ATP8A2: variants seen among roughly 807,000 people sequenced by gnomAD.
The protein encoded by ATP8A2 is phospholipid-transporting ATPase IB.
Under a neutral mutation model 165.6 loss-of-function variants are expected in ATP8A2, and 100 were observed. The ratio of observed to expected loss-of-function variants is 0.60; its 90% CI spans 0.51 to 0.71. The LOEUF (loss-of-function observed/expected upper bound fraction) is 0.71. Among genes scored for constraint, ATP8A2 ranks in the 30% least tolerant of loss-of-function variants. ATP8A2 has a pLI of 0.00. For synonymous variants in ATP8A2, 543 were observed against 548.8 expected (o/e 0.99, Z 0.15); for missense variants, 1,227 against 1,479.5 (o/e 0.83, Z 2.80).
At chr13:25,465,696 TTTC>T (rs1269902447) in intron 1 of ATP8A2, among the ~76,000 whole-genome samples, 324 of 20,392 alleles carry the variant, frequency 0.016, 2 homozygotes, top group Admixed American at 0.044. Context: ...TCTTTCTTTC[TTTC>T]TTTCTTTCTT....
At chr13:25,489,558 AAGTC>A (rs2036458137) in intron 2 of ATP8A2, among the ~76,000 whole-genome samples, 1 of 152,132 alleles carries the variant, frequency 6.6e-6, no homozygotes, top group Admixed American at 6.5e-5. Context: ...CTTGATGACA[AAGTC>A]TGTCTGTTTC....
Position 25,939,249 on chromosome 13 carries a change from C to T in ATP8A2, c.3184-22326C>T, listed in dbSNP as rs554890828. On this transcript the variant is annotated intron_variant, in intron 33 of 36. Coordinates refer to ENST00000381655, the MANE Select transcript of ATP8A2 (RefSeq NM_016529.6). ...TACCACAGTTTGTCCTCTGCATACC[C>T]CTTTGTCTTGGAGGGCTCGTTCCAG... Among the ~76,000 whole-genome samples the T allele has an allele frequency of 2.0e-5, 3 of 152,306 alleles. No individual in the cohort carries two copies. In the South Asian group the frequency reaches 6.2e-4, roughly 32 times the overall value.
intron 2 of ATP8A2, among the ~76,000 whole-genome samples, chr13:25,495,147 AG>A (rs1440838336): frequency 2.0e-5 from 3 of 151,702 alleles, no homozygotes; most frequent in Admixed American, 2.0e-4. Flanking sequence ...ACAACGTTCC[AG>A]TTATAACCTC....
At chr13:25,763,647 C>T (rs184795892) in intron 25 of ATP8A2, among the ~76,000 whole-genome samples, 1 of 152,278 alleles carries the variant, frequency 6.6e-6, no homozygotes, top group Non-Finnish European at 1.5e-5. Context: ...CCATTCCAAG[C>T]TGCCCAAATT....
At chr13:25,868,731 T>C (rs1025840428) in intron 33 of ATP8A2, among the ~76,000 whole-genome samples, 2 of 152,164 alleles carry the variant, frequency 1.3e-5, no homozygotes, top group African/African-American at 4.8e-5. Flanking sequence ...CCCATCCGTG[T>C]GCATTTCCTT....
intron 2 of ATP8A2, among the ~76,000 whole-genome samples, chr13:25,513,149 T>C (rs1372763629): frequency 2.0e-5 from 3 of 151,504 alleles, no homozygotes; most frequent in African/African-American, 7.3e-5. Context: ...GAGGGGCTCC[T>C]CACCTCTCAG....
intron 25 of ATP8A2, among the ~76,000 whole-genome samples, chr13:25,711,285 G>C (rs933974048): frequency 6.6e-6 from 1 of 152,166 alleles, no homozygotes; most frequent in African/African-American, 2.4e-5. Context: ...GATTACAGGC[G>C]TGAGCTACCG....
intron 27 of ATP8A2, among the ~76,000 whole-genome samples, chr13:25,786,093 T>G (rs557100059): frequency 1.3e-5 from 2 of 152,310 alleles, no homozygotes; most frequent in East Asian, 3.9e-4. Flanking sequence ...TTTTTTTTCT[T>G]GGACTTGGGA....
rs1025272265 is a variant in ATP8A2, at chr13:25,745,410, C to T, written c.2385-23636C>T. ...TGGCGTGCTCAGTGACAGGAGCCAG[C>T]CTAGACTGTAAAGTCAACTTACAAT... On this transcript the variant is annotated intron_variant, in intron 25 of 36. Transcript: ENST00000381655. Among the ~76,000 whole-genome samples the T allele has an allele frequency of 2.0e-5, 3 of 152,194 alleles. No homozygotes were observed. In the East Asian group the frequency reaches 5.8e-4, roughly 29 times the overall value.
At chr13:25,944,497 C>CA (rs34815639) in intron 33 of ATP8A2, 16,791 of 149,054 alleles carry the variant, frequency 0.11, 1,023 homozygotes, top group African/African-American at 0.16. Flanking sequence ...ACATTCGTCT[C>CA]AAAAAAAAAG....
intron 24 of ATP8A2, among the ~76,000 whole-genome samples, chr13:25,674,428 A>G (rs2042331623): frequency 6.6e-6 from 1 of 152,174 alleles, no homozygotes; most frequent in African/African-American, 2.4e-5. Flanking sequence ...TAGGCCCCCA[A>G]ACCAGATCAT....
At chr13:25,980,238 G>A (rs1377644951) in intron 35 of ATP8A2, among the ~76,000 whole-genome samples, 1 of 152,156 alleles carries the variant, frequency 6.6e-6, no homozygotes, top group South Asian at 2.1e-4. Flanking sequence ...AGGTCAGTGA[G>A]CACCTTCATG....
intron 30 of ATP8A2, among the ~76,000 whole-genome samples, chr13:25,845,378 T>C (rs559231830): frequency 4.7e-4 from 72 of 152,290 alleles, no homozygotes; most frequent in Middle Eastern, 3.4e-3. Context: ...AGTATTCAGA[T>C]TTTTCTTGAT....
At chr13:25,465,235 AT>A (rs1433630186) in intron 1 of ATP8A2, among the ~76,000 whole-genome samples, 3 of 152,182 alleles carry the variant, frequency 2.0e-5, no homozygotes, top group African/African-American at 4.8e-5. Flanking sequence ...TTTTCCACAA[AT>A]TTTTTTTGAA....
At chr13:25,393,377 ACCAGTGTGAG>A (rs2137979335) in intron 1 of ATP8A2, among the ~76,000 whole-genome samples, 1 of 151,916 alleles carries the variant, frequency 6.6e-6, no homozygotes, top group South Asian at 2.1e-4. Context: ...TACTGGGATT[ACCAGTGTGAG>A]CCACCTCACC....
At chr13:25,436,144 G>A (rs1022901995) in intron 1 of ATP8A2, among the ~76,000 whole-genome samples, 1 of 151,764 alleles carries the variant, frequency 6.6e-6, no homozygotes, top group Non-Finnish European at 1.5e-5. Context: ...TTAGACTCAG[G>A]GGGTACATGT....
Position 25,790,418 on chromosome 13 carries a change from G to A in ATP8A2, c.2679+15459G>A, listed in dbSNP as rs569262370. Among the ~76,000 whole-genome samples, 74 of 152,146 alleles carry A rather than the reference G, an allele frequency of 4.9e-4. 1 individual carries two copies. Among genetic ancestry groups the A allele is most frequent in the South Asian group, 2.9e-3 (14 of 4,814 alleles). ...CCATTAAAAAGTGGGTAGGCTGGGC[G>A]CAGTGGCTCATGCTTGTAATTCCAG... On this transcript the variant is annotated intron_variant, in intron 27 of 36. Transcript: ENST00000381655.
At chr13:25,519,985 A>C (rs2037610446) in intron 2 of ATP8A2, among the ~76,000 whole-genome samples, 1 of 152,248 alleles carries the variant, frequency 6.6e-6, no homozygotes, top group Non-Finnish European at 1.5e-5. Context: ...ACATTCATAT[A>C]GTGTGTAAAG....
At chr13:25,509,365 G>C (rs1485400770) in intron 2 of ATP8A2, among the ~76,000 whole-genome samples, 1 of 152,008 alleles carries the variant, frequency 6.6e-6, no homozygotes, top group Non-Finnish European at 1.5e-5. Context: ...AAAAATAATT[G>C]ATCAATTATT....
Sources: gnomAD v4.1 joint callset for allele counts (sites outside exome capture counted in the v4.1 genomes callset) on GRCh38, gnomAD v4.1.1 for gene constraint, MANE v1.5 for transcripts, NCBI Gene and HGNC (gene_info 2026-07-23, HGNC 2026-07-21) for gene names.